WDR41: variants seen among roughly 807,000 people sequenced by gnomAD.
The protein encoded by WDR41 is WD repeat-containing protein 41.
WDR41 carries 63 observed loss-of-function variants against 69.3 expected under a neutral mutation model. That is an observed-to-expected ratio of 0.91 (90% confidence interval 0.74 to 1.12). The LOEUF (loss-of-function observed/expected upper bound fraction) is 1.12, where lower values mean the gene tolerates loss of function less well. WDR41 is among the 50% of genes most tolerant of loss of function. WDR41 has a pLI of 0.00. For synonymous variants in WDR41, 185 were observed against 192.1 expected, an observed-to-expected ratio of 0.96 and a Z score of 0.31; for missense variants, 543 against 534.5, an observed-to-expected ratio of 1.02 and a Z score of -0.16.
intron 1 of WDR41, among the ~76,000 whole-genome samples, chr5:77,532,215 A>T (rs1802538115): frequency 6.6e-6 from 1 of 152,082 alleles, no homozygotes; most frequent in Non-Finnish European, 1.5e-5. Flanking sequence ...GGTAGTGCGT[A>T]TACAGGTGTT....
chr5:77,615,824 C>A (rs1190141733), intron 1 of WDR41, among the ~76,000 whole-genome samples: 1 of 151,754 alleles, frequency 6.6e-6, no homozygotes, highest in African/African-American at 2.4e-5. Context: ...GAAACCCTGG[C>A]TCTATTAAAA....
intron 1 of WDR41, among the ~76,000 whole-genome samples, chr5:77,513,045 G>T (rs1802233877): frequency 6.6e-6 from 1 of 152,058 alleles, no homozygotes; most frequent in South Asian, 2.1e-4. Context: ...AAATTATTAT[G>T]ATTTTATTCC....
chr5:77,483,612 T>A (rs897368481), intron 2 of WDR41, among the ~76,000 whole-genome samples: 6 of 152,072 alleles, frequency 3.9e-5, no homozygotes, highest in Non-Finnish European at 2.9e-5. Flanking sequence ...TCAATGAATC[T>A]AAGATAGGTA....
chr5:77,522,821 C>T (rs1561214093), intron 1 of WDR41, among the ~76,000 whole-genome samples: 1 of 151,862 alleles, frequency 6.6e-6, no homozygotes, highest in Non-Finnish European at 1.5e-5. Context: ...AATGTTTTGA[C>T]CAGAAAGGAG....
At chr5:77,493,289 A>C (rs1317611610), upstream of WDR41, among the ~76,000 whole-genome samples, 4 of 152,242 alleles carry the variant, frequency 2.6e-5, no homozygotes, top group East Asian at 7.7e-4. Context: ...CATATGTATT[A>C]GGTTCAAATA....
intron 1 of WDR41, among the ~76,000 whole-genome samples, chr5:77,518,244 A>G (rs1156804320): frequency 1.3e-5 from 2 of 152,060 alleles, no homozygotes; most frequent in Admixed American, 6.6e-5. Context: ...ATTGCATCTC[A>G]TAATGTAATA....
chr5:77,612,117 C>A (rs1325655037), intron 1 of WDR41, among the ~76,000 whole-genome samples: 1 of 152,134 alleles, frequency 6.6e-6, no homozygotes, highest in Non-Finnish European at 1.5e-5. Flanking sequence ...CTGAATAGAC[C>A]AATAACAGGC....
At position 77,466,077 on chromosome 5, in the gene WDR41, G is replaced by C. The variant is rs185439821; in HGVS notation, c.168-1268C>G. Among the ~76,000 whole-genome samples the C allele has an allele frequency of 6.5e-4, 99 of 152,024 alleles. 2 individuals carry two copies. The highest frequency in any genetic ancestry group is 5.2e-4 in the Non-Finnish European group (35 of 67,840). On this transcript the variant is annotated intron_variant, in intron 2 of 12. Transcript: ENST00000296679. ...GAAATTGATCAAATACAGTCTGACA[G>C]TCTTTTAATAATTTTTAAATACAGA...
At chr5:77,507,043 A>G (rs964343579) in intron 1 of WDR41, among the ~76,000 whole-genome samples, 3 of 152,242 alleles carry the variant, frequency 2.0e-5, no homozygotes, top group African/African-American at 4.8e-5. Flanking sequence ...AATTTTAAAA[A>G]AAGAAACATA....
At position 77,530,321 on chromosome 5, in the gene WDR41, G is replaced by A. The variant is rs527250463; in HGVS notation, c.43-40749C>T. On this transcript the variant is annotated intron_variant, in intron 1 of 5. Coordinates refer to the WDR41 transcript ENST00000509971. Reference sequence around the variant, plus strand: ...TATATCCAGAAAAAGACTTGGACAAGAATGTTGATTGCATCTTTATTAATA... The same window carrying A: ...TATATCCAGAAAAAGACTTGGACAAAAATGTTGATTGCATCTTTATTAATA... 2.0e-4 allele frequency among the ~76,000 whole-genome samples: 30 copies of A among 151,698 alleles called. No homozygotes were observed. The South Asian group carries it at 5.2e-3, about 26-fold the overall frequency.
chr5:77,453,922 T>C lies in WDR41; in HGVS notation c.418A>G (p.Thr140Ala), dbSNP rs771716499. ...CAAACATCTAGTCTCTGAAGAACAG[T>C]TAAACACTGCAAAATTTATTTGAAA... ...SCFQSTVKCL[T>A]VLQRLDVWLS... Residue 140 changes from threonine to alanine, a missense_variant, in exon 6 of 13, where the codon ACT (threonine) becomes GCT (alanine). Thr to Ala is a moderately conservative substitution (Grantham distance 58). Transcript: ENST00000296679. 2 of 1,613,028 alleles carry C rather than the reference T, an allele frequency of 1.2e-6. No individual in the cohort carries two copies. The highest frequency in any genetic ancestry group is 8.5e-7 in the Non-Finnish European group (1 of 1,179,096).
At chr5:77,489,627 A>C in intron 1 of WDR41, 55 bp from the exon 2 acceptor site, 1 of 1,149,668 alleles carries the variant, frequency 8.7e-7, no homozygotes, top group Non-Finnish European at 1.3e-6. Context: ...AAGAGATAAA[A>C]TGATTTGTAA....
intron 1 of WDR41, among the ~76,000 whole-genome samples, chr5:77,556,281 T>C (rs1000379600): frequency 5.3e-5 from 8 of 151,594 alleles, no homozygotes; most frequent in African/African-American, 1.9e-4. Flanking sequence ...ATTTTTGTAT[T>C]TTTAGTAGAC....
intron 2 of WDR41, among the ~76,000 whole-genome samples, chr5:77,488,515 G>T (rs901337703): frequency 2.0e-5 from 3 of 151,246 alleles, no homozygotes; most frequent in Non-Finnish European, 4.4e-5. Flanking sequence ...GGTGGTCAGA[G>T]TTAGGAATAA....
chr5:77,541,487 CTTTTTTTT>C (rs11335010), intron 1 of WDR41, among the ~76,000 whole-genome samples: 4 of 97,828 alleles, frequency 4.1e-5, no homozygotes, highest in Admixed American at 1.2e-4. Context: ...AAAAGGAATT[CTTTTTTTT>C]TTTTTTTTTT....
chr5:77,468,455 C>T (rs544837501), intron 2 of WDR41, among the ~76,000 whole-genome samples: 37 of 152,154 alleles, frequency 2.4e-4, no homozygotes, highest in African/African-American at 3.6e-4. Context: ...AGTATTCTCT[C>T]GTTCCTTCCA....
chr5:77,576,481 A>C (rs956712896), intron 1 of WDR41, among the ~76,000 whole-genome samples: 1 of 152,088 alleles, frequency 6.6e-6, no homozygotes, highest in African/African-American at 2.4e-5. Context: ...ATTTATGCCA[A>C]ATATTCCTTG....
rs111485869 is a variant in WDR41 at position 77,512,355 on chromosome 5, AGTGTGTGTGT to A, written c.43-22793_43-22784del. On this transcript the variant is annotated intron_variant, in intron 1 of 5. Transcript: ENST00000509971. ...GTGAGAGAGAGAGAGAGAGAGAGTG[AGTGTGTGTGT>A]GTGTGTGTGTGTGTGTGTGTGTGTG... Among the ~76,000 whole-genome samples the A allele has an allele frequency of 4.4e-3, 524 of 119,318 alleles. 9 individuals carry two copies. The highest frequency in any genetic ancestry group is 0.016 in the South Asian group (57 of 3,590). 78.3% of individuals were successfully genotyped at this position (119,318 alleles called of 152,430 possible).
intron 1 of WDR41, among the ~76,000 whole-genome samples, chr5:77,534,291 A>G (rs1742921632): frequency 6.6e-6 from 1 of 152,096 alleles, no homozygotes; most frequent in African/African-American, 2.4e-5. Flanking sequence ...AAAATTTCAG[A>G]TAATATTCTA....
Sources: allele counts gnomAD v4.1 joint callset (sites outside exome capture counted in the v4.1 genomes callset), GRCh38; gene constraint gnomAD v4.1.1; transcripts MANE v1.5; gene names NCBI Gene and HGNC (gene_info 2026-07-23, HGNC 2026-07-21).